UBE2E2: variants seen among roughly 807,000 people sequenced by gnomAD.
UBE2E2 encodes ubiquitin conjugating enzyme E2 E2, also known as ubiquitin-conjugating enzyme E2 E2.
In UBE2E2, 6 loss-of-function variants were observed where a neutral mutation model predicts 24.7. The ratio of observed to expected loss-of-function variants is 0.24; its 90% CI spans 0.13 to 0.48. The LOEUF (loss-of-function observed/expected upper bound fraction) is 0.48. Ranked by LOEUF, UBE2E2 falls within the 20% of genes least tolerant of loss-of-function variation. The pLI is 0.99. For missense variants in UBE2E2, 169 were observed against 245.0 expected, an observed-to-expected ratio of 0.69 and a Z score of 2.07; for synonymous variants, 104 against 83.6, an observed-to-expected ratio of 1.24 and a Z score of -1.33.
chr3:23,318,372 A>C (rs1470220170), intron 3 of UBE2E2, among the ~76,000 whole-genome samples: 1 of 152,156 alleles, frequency 6.6e-6, no homozygotes, highest in Non-Finnish European at 1.5e-5. Context: ...ATTAGCACTA[A>C]AGTTGCTATT....
At chr3:23,409,698 C>T (rs1475974055) in intron 3 of UBE2E2, among the ~76,000 whole-genome samples, 1 of 152,148 alleles carries the variant, frequency 6.6e-6, no homozygotes, top group Non-Finnish European at 1.5e-5. Flanking sequence ...AATTTATTCT[C>T]TTGCAGTTCC....
intron 4 of UBE2E2, among the ~76,000 whole-genome samples, chr3:23,514,117 GACCT>G (rs1257999728): frequency 1.3e-5 from 2 of 152,112 alleles, no homozygotes; most frequent in Non-Finnish European, 2.9e-5. Context: ...CCTCCTTTTT[GACCT>G]TATGATTTGC....
chr3:23,365,520 G>T (rs1696228769), intron 3 of UBE2E2, among the ~76,000 whole-genome samples: 2 of 152,086 alleles, frequency 1.3e-5, no homozygotes, highest in African/African-American at 4.8e-5. Flanking sequence ...ATTCACAATA[G>T]CTACAAAAAG....
At chr3:23,536,957 A>G (rs1695279521) in intron 5 of UBE2E2, among the ~76,000 whole-genome samples, 1 of 152,206 alleles carries the variant, frequency 6.6e-6, no homozygotes, top group Admixed American at 6.5e-5. Context: ...AAACGAGATA[A>G]TGTATAATGA....
intron 3 of UBE2E2, among the ~76,000 whole-genome samples, chr3:23,290,250 A>C (rs941158770): frequency 2.6e-5 from 4 of 152,214 alleles, no homozygotes; most frequent in Non-Finnish European, 5.9e-5. Context: ...AAAGCAAGTG[A>C]GGGGGCACTT....
At chr3:23,340,468 A>G (rs1049944766) in intron 3 of UBE2E2, among the ~76,000 whole-genome samples, 3 of 152,160 alleles carry the variant, frequency 2.0e-5, no homozygotes, top group Admixed American at 6.5e-5. Flanking sequence ...ACAGGTTGCC[A>G]TTATGAAGCA....
intron 3 of UBE2E2, among the ~76,000 whole-genome samples, chr3:23,489,524 T>A (rs549771197): frequency 6.6e-6 from 1 of 152,082 alleles, no homozygotes; most frequent in African/African-American, 2.4e-5. Context: ...AAAAGGGAAA[T>A]TAGAGCCCGT....
chr3:23,359,633 C>CT (rs1340725963), intron 3 of UBE2E2, among the ~76,000 whole-genome samples: 1 of 151,902 alleles, frequency 6.6e-6, no homozygotes, highest in Non-Finnish European at 1.5e-5. Context: ...CAGAACTTTT[C>CT]TTTTTTTGCC....
intron 4 of UBE2E2, among the ~76,000 whole-genome samples, chr3:23,506,378 C>A (rs891147952): frequency 3.9e-5 from 6 of 152,198 alleles, no homozygotes; most frequent in Non-Finnish European, 7.3e-5. Context: ...CTCTAGTCTT[C>A]CCCATATCAA....
chr3:23,499,891 T>C, intron 4 of UBE2E2, 151 bp downstream of exon 4: 1 of 993,244 alleles, frequency 1.0e-6, no homozygotes, highest in Non-Finnish European at 1.3e-6. Flanking sequence ...TGAAACAATG[T>C]AAAAAATTGT....
intron 3 of UBE2E2, among the ~76,000 whole-genome samples, chr3:23,241,569 G>A (rs1697260889): frequency 6.6e-6 from 1 of 151,744 alleles, no homozygotes; most frequent in African/African-American, 2.4e-5. Context: ...TAGGGTCTCT[G>A]CACTGGCTAT....
chr3:23,268,835 G>C (rs1310666698), intron 3 of UBE2E2, among the ~76,000 whole-genome samples: 5 of 151,784 alleles, frequency 3.3e-5, no homozygotes, highest in Non-Finnish European at 5.9e-5. Flanking sequence ...AAACAGCATG[G>C]TACTGGTACC....
At chr3:23,538,118 A>C (rs938460097) in intron 5 of UBE2E2, among the ~76,000 whole-genome samples, 2 of 152,196 alleles carry the variant, frequency 1.3e-5, no homozygotes, top group Non-Finnish European at 2.9e-5. Context: ...TACAAAAAAA[A>C]AATTTTTTTT....
At chr3:23,323,528 C>T in intron 3 of UBE2E2, 1 of 451,020 alleles carries the variant, frequency 2.2e-6, no homozygotes. Flanking sequence ...CAACATAACA[C>T]TGAAAGGAAA....
intron 3 of UBE2E2, among the ~76,000 whole-genome samples, chr3:23,390,428 C>A (rs1325245904): frequency 6.6e-6 from 1 of 152,170 alleles, no homozygotes; most frequent in Non-Finnish European, 1.5e-5. Flanking sequence ...TCACCTTCTT[C>A]CTGCACCATC....
intron 3 of UBE2E2, among the ~76,000 whole-genome samples, chr3:23,374,578 T>G (rs1290730051): frequency 6.6e-6 from 1 of 152,170 alleles, no homozygotes; most frequent in Non-Finnish European, 1.5e-5. Flanking sequence ...GTAATTTAAT[T>G]ATCACCTGTT....
chr3:23,448,249 C>T (rs1698477228), intron 3 of UBE2E2, among the ~76,000 whole-genome samples: 1 of 152,130 alleles, frequency 6.6e-6, no homozygotes, highest in Non-Finnish European at 1.5e-5. Flanking sequence ...CTTCCAGTTC[C>T]ACCCCTAGGA....
chr3:23,516,529 A>T (rs1694744692), intron 4 of UBE2E2, among the ~76,000 whole-genome samples: 1 of 152,238 alleles, frequency 6.6e-6, no homozygotes, highest in Admixed American at 6.5e-5. Flanking sequence ...AAGCAGATGT[A>T]TATTATAGCA....
At chr3:23,446,395 C>T (rs1053850421) in intron 3 of UBE2E2, among the ~76,000 whole-genome samples, 1 of 152,120 alleles carries the variant, frequency 6.6e-6, no homozygotes, top group African/African-American at 2.4e-5. Flanking sequence ...AGGGTACTTT[C>T]CATTTTGTGC....
Sources: allele counts gnomAD v4.1 joint callset (sites outside exome capture counted in the v4.1 genomes callset), GRCh38; gene constraint gnomAD v4.1.1; transcripts MANE v1.5; gene names NCBI Gene and HGNC (gene_info 2026-07-23, HGNC 2026-07-21).